The following MAF variants were observed in gnomAD, a reference collection of about 807,000 sequenced individuals.
MAF encodes the protein transcription factor Maf.
A neutral mutation model predicts 22.0 loss-of-function variants in MAF; 10 were observed. That is an observed-to-expected ratio of 0.45 (90% CI 0.28 to 0.77). MAF has a LOEUF of 0.77. Among genes scored for constraint, MAF ranks in the 30% least tolerant of loss-of-function variants. MAF has a pLI of 0.12. For synonymous variants in MAF, 337 were observed against 255.8 expected (o/e 1.32, Z -3.03); for missense variants, 544 against 548.4 (o/e 0.99, Z 0.08).
the MAF span, among the ~76,000 whole-genome samples, chr16:79,453,890 A>G: frequency 2.0e-5 from 3 of 152,210 alleles, no homozygotes; most frequent in African/African-American, 7.2e-5. Context: ...TGTGGATTAA[A>G]CACACTGAAT....
chr16:79,291,436 C>G, the MAF span, among the ~76,000 whole-genome samples: 2 of 152,140 alleles, frequency 1.3e-5, no homozygotes, highest in Non-Finnish European at 2.9e-5. Context: ...GATTCTGGCT[C>G]TAAAGCATGA....
At chr16:79,550,595 G>A in the MAF span, among the ~76,000 whole-genome samples, 3 of 152,140 alleles carry the variant, frequency 2.0e-5, no homozygotes, top group Non-Finnish European at 4.4e-5. Context: ...ATGAAGTCAA[G>A]GGCCACCTGG....
At chr16:79,540,215 ACT>A in the MAF span, among the ~76,000 whole-genome samples, 1 of 151,424 alleles carries the variant, frequency 6.6e-6, no homozygotes, top group Non-Finnish European at 1.5e-5. Context: ...CGTGATGAAG[ACT>A]CTGAGAAAAA....
the MAF span, among the ~76,000 whole-genome samples, chr16:79,566,835 T>C: frequency 6.6e-6 from 1 of 152,204 alleles, no homozygotes; most frequent in African/African-American, 2.4e-5. Context: ...CCCTGTGGTT[T>C]GATTTCCAAA....
chr16:79,585,577 C>G (rs1427410484), downstream of MAF, among the ~76,000 whole-genome samples: 1 of 152,124 alleles, frequency 6.6e-6, no homozygotes, highest in Non-Finnish European at 1.5e-5. Context: ...GATCTGAGAT[C>G]TACTCAAACT....
the MAF span, among the ~76,000 whole-genome samples, chr16:79,391,072 C>A: frequency 6.6e-6 from 1 of 152,160 alleles, no homozygotes; most frequent in African/African-American, 2.4e-5. Context: ...TATCTGTGGG[C>A]TAACGAGGTG....
chr16:79,226,983 G>C, the MAF span, among the ~76,000 whole-genome samples: 1 of 151,920 alleles, frequency 6.6e-6, no homozygotes, highest in Non-Finnish European at 1.5e-5. Context: ...GGGAACCTTA[G>C]GGCTACATGG....
At chr16:79,581,758 G>A (rs1037362630), downstream of MAF, among the ~76,000 whole-genome samples, 1 of 152,190 alleles carries the variant, frequency 6.6e-6, no homozygotes, top group African/African-American at 2.4e-5. Context: ...TTTTTGGACT[G>A]TCAGGCTCAC....
At chr16:79,423,522 C>T in the MAF span, among the ~76,000 whole-genome samples, 1 of 152,312 alleles carries the variant, frequency 6.6e-6, no homozygotes, top group East Asian at 1.9e-4. Flanking sequence ...TGGTGAACTA[C>T]AGCCTGTGGG....
the MAF span, among the ~76,000 whole-genome samples, chr16:79,491,198 G>T: frequency 6.6e-6 from 1 of 152,170 alleles, no homozygotes; most frequent in Non-Finnish European, 1.5e-5. Flanking sequence ...CCTGACGGCT[G>T]AAAACAGCAG....
chr16:79,417,901 G>C, the MAF span, among the ~76,000 whole-genome samples: 677 of 152,182 alleles, frequency 4.4e-3, 9 homozygotes, highest in African/African-American at 0.015. Flanking sequence ...CCTGGAAATG[G>C]GAATTCTTAG....
At chr16:79,223,027 C>T in the MAF span, among the ~76,000 whole-genome samples, 1 of 152,172 alleles carries the variant, frequency 6.6e-6, no homozygotes, top group Non-Finnish European at 1.5e-5. Context: ...ATCTAATAGA[C>T]ATTTACAGAA....
chr16:79,289,052 G>A, the MAF span, among the ~76,000 whole-genome samples: 6 of 152,218 alleles, frequency 3.9e-5, no homozygotes, highest in Non-Finnish European at 7.3e-5. Flanking sequence ...AAAGGAGACA[G>A]AGAAGCAAAG....
At chr16:79,367,534 G>A in the MAF span, among the ~76,000 whole-genome samples, 1 of 152,164 alleles carries the variant, frequency 6.6e-6, no homozygotes, top group African/African-American at 2.4e-5. Context: ...GGTTCTTGGA[G>A]GATACTACAT....
At chr16:79,321,085 G>A in the MAF span, among the ~76,000 whole-genome samples, 5 of 152,312 alleles carry the variant, frequency 3.3e-5, no homozygotes, top group South Asian at 2.1e-4. Flanking sequence ...ATTACTGTCC[G>A]TTTGTTTACT....
chr16:79,233,842 A>G, the MAF span, among the ~76,000 whole-genome samples: 1 of 151,950 alleles, frequency 6.6e-6, no homozygotes, highest in Admixed American at 6.6e-5. Flanking sequence ...AAATACAAAA[A>G]TTAGCCGGGT....
chr16:79,408,336 C>G, the MAF span, among the ~76,000 whole-genome samples: 1 of 151,930 alleles, frequency 6.6e-6, no homozygotes, highest in Non-Finnish European at 1.5e-5. Flanking sequence ...GCCACCACGC[C>G]CAGCTAATTT....
chr16:79,426,978 T>G, the MAF span, among the ~76,000 whole-genome samples: 1 of 152,224 alleles, frequency 6.6e-6, no homozygotes, highest in Non-Finnish European at 1.5e-5. Flanking sequence ...CAGCTACATC[T>G]GGATTGCTGA....
chr16:79,555,381 C>A, the MAF span, among the ~76,000 whole-genome samples: 2 of 152,106 alleles, frequency 1.3e-5, no homozygotes, highest in African/African-American at 4.8e-5. Context: ...GATACCTGAT[C>A]CCTTCTCACC....
Sources: allele counts gnomAD v4.1 joint callset (sites outside exome capture counted in the v4.1 genomes callset), GRCh38; gene constraint gnomAD v4.1.1; transcripts MANE v1.5; gene names NCBI Gene and HGNC (gene_info 2026-07-23, HGNC 2026-07-21).